The following PTPRE variants were observed in gnomAD, a reference collection of about 807,000 sequenced individuals.
The protein encoded by PTPRE is protein tyrosine phosphatase receptor type E, also known as receptor-type tyrosine-protein phosphatase epsilon.
A neutral mutation model predicts 102.0 loss-of-function variants in PTPRE; 51 were observed. The observed-to-expected ratio is 0.50, with a 90% confidence interval of 0.40 to 0.63. PTPRE has a LOEUF of 0.63. PTPRE is among the 30% of genes least tolerant of loss of function. The pLI is 0.00. For missense variants in PTPRE, 752 were observed against 915.1 expected, an observed-to-expected ratio of 0.82 and a Z score of 2.30; for synonymous variants, 345 against 348.2, an observed-to-expected ratio of 0.99 and a Z score of 0.10.
At chr10:127,923,376 C>A (rs965125225) in intron 1 of PTPRE, among the ~76,000 whole-genome samples, 1 of 151,142 alleles carries the variant, frequency 6.6e-6, no homozygotes, top group African/African-American at 2.4e-5. Flanking sequence ...CTGTTTTGAT[C>A]CTGATGTGAA....
intron 10 of PTPRE, among the ~76,000 whole-genome samples, chr10:128,063,716 C>T (rs906023403): frequency 2.0e-5 from 3 of 152,184 alleles, no homozygotes; most frequent in African/African-American, 7.2e-5. Flanking sequence ...TGAACTGATT[C>T]GTTTCCTAAT....
intron 2 of PTPRE, among the ~76,000 whole-genome samples, chr10:128,025,733 T>G (rs539170094): frequency 1.3e-5 from 2 of 152,114 alleles, no homozygotes; most frequent in African/African-American, 2.4e-5. Context: ...GAGCCCTACA[T>G]GTCGGGCTGG....
intron 6 of PTPRE, among the ~76,000 whole-genome samples, chr10:128,052,688 G>T (rs888968986): frequency 2.6e-5 from 4 of 152,292 alleles, no homozygotes; most frequent in African/African-American, 9.6e-5. Context: ...CTTCAGACAG[G>T]CTCGTCCCTA....
chr10:128,066,685 G>A (rs1850122350), intron 11 of PTPRE, among the ~76,000 whole-genome samples: 1 of 152,138 alleles, frequency 6.6e-6, no homozygotes, highest in Admixed American at 6.5e-5. Flanking sequence ...AGATATAGAA[G>A]AAAGTTTAAA....
intron 1 of PTPRE, among the ~76,000 whole-genome samples, chr10:127,961,823 C>T (rs1478695028): frequency 1.3e-5 from 2 of 152,194 alleles, no homozygotes; most frequent in Non-Finnish European, 2.9e-5. Context: ...GGCTGTCTTG[C>T]TCATGCTCTG....
At chr10:127,992,299 AC>A (rs1285790500) in intron 2 of PTPRE, among the ~76,000 whole-genome samples, 1 of 151,954 alleles carries the variant, frequency 6.6e-6, no homozygotes, top group Non-Finnish European at 1.5e-5. Flanking sequence ...TCAGCAGGTC[AC>A]CCCTCTTCTA....
intron 3 of PTPRE, among the ~76,000 whole-genome samples, chr10:128,043,119 T>G (rs942560294): frequency 1.3e-5 from 2 of 152,146 alleles, no homozygotes; most frequent in Non-Finnish European, 2.9e-5. Flanking sequence ...TGGAAGACAG[T>G]TTTTCCGTGG....
chr10:128,037,287 C>G (rs1847298549), intron 2 of PTPRE, among the ~76,000 whole-genome samples: 2 of 152,252 alleles, frequency 1.3e-5, no homozygotes, highest in Admixed American at 6.5e-5. Context: ...TGTCTGGGCT[C>G]CCTTCACTCC....
At chr10:127,925,926 A>G (rs1410064) in intron 1 of PTPRE, among the ~76,000 whole-genome samples, 71,430 of 152,126 alleles carry the variant, frequency 0.47, 18,318 homozygotes, top group African/African-American at 0.7. Flanking sequence ...GTCATTTTTG[A>G]CTACAAGTAT....
At chr10:128,018,429 G>C (rs1845608431) in intron 2 of PTPRE, among the ~76,000 whole-genome samples, 1 of 152,212 alleles carries the variant, frequency 6.6e-6, no homozygotes, top group Non-Finnish European at 1.5e-5. Flanking sequence ...GTGTCATCCT[G>C]ACGCTTAAAT....
At chr10:128,072,070 AGC>A in intron 15 of PTPRE, 66 bp from the exon 16 acceptor site, 1 of 1,340,406 alleles carries the variant, frequency 7.5e-7, no homozygotes, top group Non-Finnish European at 1.1e-6. Context: ...GCAAGCTTGT[AGC>A]AATGGATTAA....
intron 2 of PTPRE, among the ~76,000 whole-genome samples, chr10:128,022,343 A>G (rs1223645487): frequency 2.0e-5 from 3 of 152,214 alleles, no homozygotes; most frequent in African/African-American, 7.2e-5. Context: ...AGGCCTTGTG[A>G]AAGTGGGAGC....
At chr10:128,057,249 G>C (rs184350454) in intron 7 of PTPRE, among the ~76,000 whole-genome samples, 14 of 152,156 alleles carry the variant, frequency 9.2e-5, no homozygotes, top group South Asian at 2.1e-4. Context: ...CCAGCAGCAG[G>C]GGGGCGGGGC....
At chr10:128,021,491 C>T (rs1352872937) in intron 2 of PTPRE, among the ~76,000 whole-genome samples, 1 of 152,236 alleles carries the variant, frequency 6.6e-6, no homozygotes, top group African/African-American at 2.4e-5. Flanking sequence ...CTTCAGCATC[C>T]AGGCCCTCGG....
chr10:127,924,297 C>T (rs1242413924), intron 1 of PTPRE, among the ~76,000 whole-genome samples: 5 of 152,190 alleles, frequency 3.3e-5, no homozygotes, highest in African/African-American at 1.2e-4. Context: ...GCGATCTCGG[C>T]TCATTGCAAC....
At chr10:128,041,512 G>C (rs1219361443) in intron 3 of PTPRE, among the ~76,000 whole-genome samples, 1 of 151,898 alleles carries the variant, frequency 6.6e-6, no homozygotes, top group African/African-American at 2.4e-5. Context: ...GCTGGGCGTG[G>C]TGGTGGGCGC....
At chr10:127,913,105 G>A (rs893267089) in intron 1 of PTPRE, among the ~76,000 whole-genome samples, 1 of 152,196 alleles carries the variant, frequency 6.6e-6, no homozygotes, top group African/African-American at 2.4e-5. Flanking sequence ...AAGTCTTTAC[G>A]GTGGGGAGCA....
intron 1 of PTPRE, among the ~76,000 whole-genome samples, chr10:127,965,168 C>T (rs1380436964): frequency 6.6e-6 from 1 of 152,090 alleles, no homozygotes; most frequent in African/African-American, 2.4e-5. Context: ...CTTCCATAAC[C>T]ATATTTTTGT....
intron 2 of PTPRE, among the ~76,000 whole-genome samples, chr10:128,016,231 A>G (rs1006236835): frequency 2.0e-5 from 3 of 152,230 alleles, no homozygotes; most frequent in African/African-American, 7.2e-5. Context: ...CTATGTAATT[A>G]CAGCTTTTCA....
Sources: gnomAD v4.1 joint callset for allele counts (sites outside exome capture counted in the v4.1 genomes callset) on GRCh38, gnomAD v4.1.1 for gene constraint, MANE v1.5 for transcripts, NCBI Gene and HGNC (gene_info 2026-07-23, HGNC 2026-07-21) for gene names.